The following FAF1 variants were observed in gnomAD, a reference collection of about 807,000 sequenced individuals.
The protein encoded by FAF1 is Fas associated factor 1, also known as FAS-associated factor 1.
A neutral mutation model predicts 92.5 loss-of-function variants in FAF1; 25 were observed. The ratio of observed to expected loss-of-function variants is 0.27; its 90% CI spans 0.20 to 0.38. The LOEUF is 0.38. FAF1 is among the 10% of genes least tolerant of loss of function. The pLI, the probability that FAF1 is intolerant of heterozygous loss-of-function variation, is 1.00. For missense variants in FAF1, 636 were observed against 793.3 expected, an observed-to-expected ratio of 0.80 and a Z score of 2.38; for synonymous variants, 234 against 273.2, an observed-to-expected ratio of 0.86 and a Z score of 1.42.
At chr1:50,452,295 A>G (rs528631279) in intron 18 of FAF1, 2 of 471,864 alleles carry the variant, frequency 4.2e-6, no homozygotes, top group African/African-American at 2.0e-5. Flanking sequence ...AGGCAAATTC[A>G]TAAGTGAAGA....
chr1:50,958,748 C>G (rs1228650868), intron 1 of FAF1, among the ~76,000 whole-genome samples: 5 of 150,648 alleles, frequency 3.3e-5, no homozygotes, highest in Non-Finnish European at 7.4e-5. Context: ...GAGAAAAGCC[C>G]AACAAAATTT....
chr1:50,492,686 A>G (rs1646853626), intron 15 of FAF1, among the ~76,000 whole-genome samples: 1 of 152,186 alleles, frequency 6.6e-6, no homozygotes, highest in Admixed American at 6.5e-5. Flanking sequence ...AATATTTGTG[A>G]CCTATAAAAC....
At chr1:50,958,441 G>C (rs959433397) in intron 1 of FAF1, among the ~76,000 whole-genome samples, 4 of 152,150 alleles carry the variant, frequency 2.6e-5, no homozygotes, top group Non-Finnish European at 5.9e-5. Flanking sequence ...ACTTTGGGAG[G>C]CCGAGGAGGG....
intron 8 of FAF1, among the ~76,000 whole-genome samples, chr1:50,618,414 GTTTTT>G (rs540421778): frequency 8.9e-6 from 1 of 111,886 alleles, no homozygotes; most frequent in Non-Finnish European, 1.8e-5. Context: ...AGTTTTTAGA[GTTTTT>G]TTTTTTTTTT....
At chr1:50,488,245 T>C (rs1478871073) in intron 17 of FAF1, among the ~76,000 whole-genome samples, 1 of 152,154 alleles carries the variant, frequency 6.6e-6, no homozygotes, top group Non-Finnish European at 1.5e-5. Context: ...ACCTCTCACA[T>C]GTTAACAGCT....
rs1002971729 is a variant in FAF1 at position 50,741,255 on chromosome 1, T to C, written c.460-2301A>G. On this transcript the variant is annotated intron_variant, in intron 5 of 18. Transcript: ENST00000396153. Reference sequence around the variant, plus strand: ...CATGTGAAGAACAGGAGGTAAAGCATTCCAGGCAGTTGAATAGCATCTGTC... The same window carrying C: ...CATGTGAAGAACAGGAGGTAAAGCACTCCAGGCAGTTGAATAGCATCTGTC... Among the ~76,000 whole-genome samples the C allele has an allele frequency of 2.6e-5, 4 of 152,178 alleles. No homozygotes were observed. The East Asian group carries it at 7.7e-4, about 29-fold the overall frequency.
intron 12 of FAF1, among the ~76,000 whole-genome samples, chr1:50,574,402 C>T (rs1333450691): frequency 1.3e-5 from 2 of 152,172 alleles, no homozygotes; most frequent in African/African-American, 4.8e-5. Context: ...GTCAGGCCAA[C>T]TCTCATTGGT....
chr1:50,584,180 T>C (rs1426224353), intron 10 of FAF1, among the ~76,000 whole-genome samples: 1 of 152,148 alleles, frequency 6.6e-6, no homozygotes, highest in East Asian at 1.9e-4. Flanking sequence ...TAGGCCATTA[T>C]TATTTTAGTG....
chr1:50,828,634 A>C (rs936476947), intron 2 of FAF1, among the ~76,000 whole-genome samples: 3 of 152,206 alleles, frequency 2.0e-5, no homozygotes, highest in African/African-American at 4.8e-5. Context: ...AACAAACTTC[A>C]GGCTCTCTTA....
intron 4 of FAF1, among the ~76,000 whole-genome samples, chr1:50,784,877 C>T (rs918453380): frequency 1.3e-5 from 2 of 152,026 alleles, no homozygotes; most frequent in Admixed American, 6.6e-5. Context: ...TAAACCCACA[C>T]GTATACAGTC....
chr1:50,485,489 C>T (rs541025820), intron 17 of FAF1, among the ~76,000 whole-genome samples: 4 of 151,296 alleles, frequency 2.6e-5, no homozygotes, highest in East Asian at 2.0e-4. Context: ...GGTGAAACCC[C>T]GTCTCTACTA....
In FAF1 at chr1:50,731,659, C is replaced by T. The variant is rs2781799; in HGVS notation, c.551+7204G>A. Among the ~76,000 whole-genome samples, 5 of 151,984 alleles carry T rather than the reference C, an allele frequency of 3.3e-5. No individual in the cohort carries two copies. In the East Asian group the frequency reaches 5.8e-4, roughly 18 times the overall value. On this transcript the variant is annotated intron_variant, in intron 6 of 18. Coordinates refer to ENST00000396153, the MANE Select transcript of FAF1 (RefSeq NM_007051.3). The stretch of plus-strand genomic sequence containing the variant: ...CTGGGATTACAGGCATGAGCCACCG[C>T]GCCCGGCCTCAAAACACTTGTCTTC...
chr1:50,950,762 T>TCTTCCTTC (rs956766086), intron 1 of FAF1, among the ~76,000 whole-genome samples: 1 of 152,216 alleles, frequency 6.6e-6, no homozygotes, highest in African/African-American at 2.4e-5. Flanking sequence ...GCCACCTTTC[T>TCTTCCTTC]CTTCCTTCCT....
chr1:50,472,351 C>G (rs889434548), intron 18 of FAF1, among the ~76,000 whole-genome samples: 4 of 138,802 alleles, frequency 2.9e-5, no homozygotes, highest in Non-Finnish European at 6.2e-5. Context: ...CTGTTATTAG[C>G]AAAATTGGGG....
At chr1:50,954,221 C>T (rs1293995647) in intron 1 of FAF1, among the ~76,000 whole-genome samples, 1 of 152,090 alleles carries the variant, frequency 6.6e-6, no homozygotes, top group Non-Finnish European at 1.5e-5. Flanking sequence ...GCCACCACGC[C>T]AGGCCAAGAA....
chr1:50,535,098 A>G (rs746779018), intron 15 of FAF1, among the ~76,000 whole-genome samples: 5 of 152,174 alleles, frequency 3.3e-5, no homozygotes, highest in Non-Finnish European at 5.9e-5. Flanking sequence ...ATGCTTCTGA[A>G]CTAATTTCTT....
intron 18 of FAF1, among the ~76,000 whole-genome samples, chr1:50,450,953 T>C (rs1056237415): frequency 6.6e-6 from 1 of 152,190 alleles, no homozygotes. Flanking sequence ...GACTACTCTA[T>C]GGTTTATCTC....
At chr1:50,773,485 A>C (rs1339172605) in intron 4 of FAF1, among the ~76,000 whole-genome samples, 1 of 152,264 alleles carries the variant, frequency 6.6e-6, no homozygotes, top group Non-Finnish European at 1.5e-5. Context: ...ATGGCATACT[A>C]TTCAGCCTTA....
In FAF1 at chr1:50,584,569, C is replaced by G. The variant is rs1651135719; in HGVS notation, c.967+116G>C. The stretch of plus-strand genomic sequence containing the variant: ...ATGAAGAATGCCTACTCTCTATTAT[C>G]TTATCTCCTCAAACCTGGAGGTCAG... On this transcript the variant is annotated intron_variant, in intron 10 of 18. Coordinates refer to ENST00000396153, the MANE Select transcript of FAF1 (RefSeq NM_007051.3). The G allele has an allele frequency of 4.0e-6, 4 of 987,706 alleles. No homozygotes were observed. The East Asian group carries it at 1.0e-4, about 25-fold the overall frequency. 61.2% of individuals were successfully genotyped at this position (987,706 alleles called of 1,614,324 possible).
Sources: allele counts gnomAD v4.1 joint callset (sites outside exome capture counted in the v4.1 genomes callset), GRCh38; gene constraint gnomAD v4.1.1; transcripts MANE v1.5; gene names NCBI Gene and HGNC (gene_info 2026-07-23, HGNC 2026-07-21).